The following LARS1 variants were observed in gnomAD, a reference collection of about 807,000 sequenced individuals.
LARS1 encodes leucine--tRNA ligase, cytoplasmic.
Under a neutral mutation model 162.8 loss-of-function variants are expected in LARS1, and 100 were observed. The observed-to-expected ratio is 0.61, with a 90% CI of 0.52 to 0.73. The LOEUF (loss-of-function observed/expected upper bound fraction) is 0.73. Among genes scored for constraint, LARS1 ranks in the 30% least tolerant of loss-of-function variants. The probability of loss-of-function intolerance (pLI) is 0.00; values close to 1 mark genes in which losing one functional copy is unlikely to be tolerated. For missense variants in LARS1, 1,258 were observed against 1,408.9 expected (o/e 0.89, Z 1.71); for synonymous variants, 457 against 462.8 (o/e 0.99, Z 0.16).
At position 146,126,536 on chromosome 5, in the gene LARS1, C is replaced by T. The variant is rs368728386; in HGVS notation, c.2890G>A (p.Gly964Arg). ...VLRKHFEANNGKLPDNKVIAS... is the reference protein window; with the variant it reads ...VLRKHFEANNRKLPDNKVIAS... ...ATGACTTTGTTGTCAGGCAGTTTTC[C>T]GTTATTGGCCTAAGAAAAGGAAGGA... Residue 964 changes from glycine (G) to arginine (R), a missense_variant, in exon 28 of 32, where the codon GGA (glycine) becomes AGA (arginine). Physicochemically the swap from Gly to Arg is moderately radical, Grantham distance 125 (BLOSUM62 -2). Coordinates refer to ENST00000394434, the MANE Select transcript of LARS1 (RefSeq NM_020117.11). 1.1e-5 allele frequency: 17 copies of T among 1,609,360 alleles called. No individual in the cohort carries two copies. Among genetic ancestry groups the T allele is most frequent in the African/African-American group, 2.7e-5 (2 of 74,674 alleles).
At chr5:146,160,211 T>A (rs190058184) in intron 7 of LARS1, among the ~76,000 whole-genome samples, 163 bp downstream of exon 7, 165 of 152,212 alleles carry the variant, frequency 1.1e-3, no homozygotes, top group African/African-American at 3.9e-3. Flanking sequence ...ATTTTTTTTT[T>A]TATATAAAGA....
rs2126329660 is a variant in LARS1, at chr5:146,113,850, A to T, written c.*256T>A. On this transcript the variant is annotated 3_prime_UTR_variant, in exon 32 of 32. Transcript: ENST00000394434. ...CTTAAAAACCAGAAACTTCTAGGAA[A>T]TAGCAACAATTTGTTTTTTAAAAAG... is the stretch of plus-strand genomic sequence containing the variant. 2.3e-6 allele frequency: 1 copy of T among 441,888 alleles called. No individual in the cohort carries two copies. 27.4% of individuals were successfully genotyped at this position (441,888 alleles called of 1,614,324 possible). A position where few individuals can be genotyped will look rare whatever the true frequency, so the allele number is the denominator to read the frequency against.
At chr5:146,147,466 T>C (rs2126500177) in intron 15 of LARS1, among the ~76,000 whole-genome samples, 1 of 152,166 alleles carries the variant, frequency 6.6e-6, no homozygotes. Flanking sequence ...AAATTAGTAA[T>C]TATTGAATCC....
chr5:146,157,852 A>C, intron 8 of LARS1, 57 bp from the exon 9 acceptor site: 2 of 1,516,242 alleles, frequency 1.3e-6, no homozygotes, highest in Non-Finnish European at 1.8e-6. Context: ...CCTTAAACCT[A>C]CTAATCTATG....
At chr5:146,173,878 T>C (rs1055520895) in intron 2 of LARS1, among the ~76,000 whole-genome samples, 2 of 152,042 alleles carry the variant, frequency 1.3e-5, no homozygotes, top group Non-Finnish European at 2.9e-5. Flanking sequence ...TTTCGCTCAC[T>C]TGTGAGTTTC....
chr5:146,161,009 T>A (rs1487545509), intron 6 of LARS1, among the ~76,000 whole-genome samples: 1 of 152,194 alleles, frequency 6.6e-6, no homozygotes, highest in Non-Finnish European at 1.5e-5. Context: ...TACAGACATA[T>A]CTGGGAGATA....
intron 1 of LARS1, among the ~76,000 whole-genome samples, chr5:146,179,919 C>T (rs746610334): frequency 2.0e-5 from 3 of 152,164 alleles, no homozygotes; most frequent in African/African-American, 4.8e-5. Flanking sequence ...CACTTTATTA[C>T]TAAATTCCTC....
intron 21 of LARS1, chr5:146,137,808 C>A: frequency 3.4e-6 from 1 of 292,216 alleles, no homozygotes; most frequent in Non-Finnish European, 6.7e-6. Context: ...AGCAATGTCT[C>A]CAGAACACAC....
At chr5:146,157,855 A>C in intron 8 of LARS1, 60 bp from the exon 9 acceptor site, 1 of 1,499,298 alleles carries the variant, frequency 6.7e-7, no homozygotes, top group Non-Finnish European at 9.3e-7. Context: ...TAAACCTACT[A>C]ATCTATGTGA....
intron 4 of LARS1, among the ~76,000 whole-genome samples, chr5:146,170,080 G>A (rs569670999): frequency 6.6e-6 from 1 of 152,178 alleles, no homozygotes; most frequent in African/African-American, 2.4e-5. Context: ...AAAATAACTA[G>A]CTTAGACTTC....
intron 4 of LARS1, 53 bp from the exon 5 acceptor site, chr5:146,168,318 C>G: frequency 2.6e-6 from 4 of 1,545,162 alleles, no homozygotes; most frequent in Non-Finnish European, 3.5e-6. Flanking sequence ...GACACAATTT[C>G]AGTTTTTTAC....
At position 146,164,367 on chromosome 5, in the gene LARS1, A is replaced by G; in HGVS notation, c.537T>C (p.His179=). 1 of 1,614,148 alleles carries G rather than the reference A, an allele frequency of 6.2e-7. No individual in the cohort carries two copies. The highest frequency in any genetic ancestry group is 1.1e-5 in the South Asian group (1 of 91,086). ...EEIVKFSEAE[H]WLDYFPPLAI... is the part of the protein sequence containing the mutation. Reference sequence around the variant, plus strand: ...CCAGTGGCGGGAAATAATCAAGCCAATGTTCTGCTTCAGAAAATTTTACTA... The same window carrying G: ...CCAGTGGCGGGAAATAATCAAGCCAGTGTTCTGCTTCAGAAAATTTTACTA... The change falls in exon 6 of 32, where the codon CAT becomes CAC. Residue 179 remains histidine, a synonymous_variant. Transcript: ENST00000394434.
intron 31 of LARS1, among the ~76,000 whole-genome samples, chr5:146,114,609 G>A (rs1157578631): frequency 7.9e-5 from 12 of 151,900 alleles, no homozygotes; most frequent in African/African-American, 2.7e-4. Context: ...GGTGATGGGC[G>A]CCTGTGATCC....
intron 13 of LARS1, among the ~76,000 whole-genome samples, chr5:146,152,525 C>T (rs1328718280): frequency 6.6e-6 from 1 of 152,092 alleles, no homozygotes; most frequent in African/African-American, 2.4e-5. Flanking sequence ...GTTGCTTGCT[C>T]CTTATGAGAA....
At chr5:146,134,577 A>T (rs1374085947) in intron 22 of LARS1, among the ~76,000 whole-genome samples, 1 of 152,218 alleles carries the variant, frequency 6.6e-6, no homozygotes, top group Non-Finnish European at 1.5e-5. Flanking sequence ...TAATAATAAA[A>T]TGTAATAGGA....
intron 1 of LARS1, among the ~76,000 whole-genome samples, chr5:146,178,120 T>G (rs907234846): frequency 3.3e-5 from 5 of 152,082 alleles, no homozygotes; most frequent in Admixed American, 6.6e-5. Flanking sequence ...AGGATTATCA[T>G]GACCTGTGTA....
chr5:146,119,785 G>A (rs1751737184), intron 31 of LARS1, among the ~76,000 whole-genome samples: 1 of 152,072 alleles, frequency 6.6e-6, no homozygotes, highest in South Asian at 2.1e-4. Context: ...TATGAGCTTT[G>A]GAGTCAAACA....
Position 146,151,901 on chromosome 5 carries a change from T to G in LARS1, c.1386A>C (p.Glu462Asp). The G allele has an allele frequency of 6.2e-7, 1 of 1,614,148 alleles. No homozygotes were observed. Among genetic ancestry groups the G allele is most frequent in the East Asian group, 2.2e-5 (1 of 44,882 alleles). ...CTTTTAGATATATCTTCTCCTTTGCTTCTGCAAGTTTTTCCCGGTCATTCT... is the reference window on the plus strand; with the variant it reads ...CTTTTAGATATATCTTCTCCTTTGCGTCTGCAAGTTTTTCCCGGTCATTCT... ...QSQNDREKLA[E>D]AKEKIYLKGF... Residue 462 changes from glutamate (E) to aspartate (D), a missense_variant, in exon 14 of 32, where the codon GAA becomes GAC. Physicochemically the swap from Glu to Asp is conservative, Grantham distance 45. Transcript: ENST00000394434.
chr5:146,135,362 T>G lies in LARS1; in HGVS notation c.2212+239A>C, dbSNP rs114130188. Among the ~76,000 whole-genome samples the G allele has an allele frequency of 4.8e-3, 726 of 152,160 alleles. 8 individuals carry two copies. The highest frequency in any genetic ancestry group is 0.015 in the African/African-American group (602 of 41,508). On this transcript the variant is annotated intron_variant, in intron 22 of 31. Coordinates refer to ENST00000394434, the MANE Select transcript of LARS1 (RefSeq NM_020117.11). The stretch of plus-strand genomic sequence containing the variant: ...AACAAGTCTTGAATCTTAGCAATGA[T>G]ATTGAGTTCATTAAAGGAAGACTCA...
Sources: allele counts gnomAD v4.1 joint callset (sites outside exome capture counted in the v4.1 genomes callset), GRCh38; gene constraint gnomAD v4.1.1; transcripts MANE v1.5; gene names NCBI Gene and HGNC (gene_info 2026-07-23, HGNC 2026-07-21).